The following ZCCHC17 variants were observed in gnomAD, a reference collection of about 807,000 sequenced individuals.
ZCCHC17 encodes zinc finger CCHC domain-containing protein 17.
A neutral mutation model predicts 30.6 loss-of-function variants in ZCCHC17; 18 were observed. The observed-to-expected ratio is 0.59, with a 90% CI of 0.41 to 0.87. The LOEUF is 0.87. Ranked by LOEUF, ZCCHC17 falls within the 40% of genes least tolerant of loss-of-function variation. The pLI is 0.00. For missense variants in ZCCHC17, 263 were observed against 284.2 expected (o/e 0.93, Z 0.54); for synonymous variants, 88 against 92.4 (o/e 0.95, Z 0.27).
At position 31,339,165 on chromosome 1, in the gene ZCCHC17, T is replaced by G. The variant is rs549586068; in HGVS notation, c.317+117T>G. On this transcript the variant is annotated intron_variant, in intron 5 of 7. Transcript: ENST00000344147. Reference sequence around the variant, plus strand: ...TTATGGACTTTGTGATATTGATAAGTTACGTAACCTTTGCAATCTTTGGTT... The same window carrying G: ...TTATGGACTTTGTGATATTGATAAGGTACGTAACCTTTGCAATCTTTGGTT... The G allele has an allele frequency of 1.0e-4, 73 of 732,252 alleles. No individual in the cohort carries two copies. In the East Asian group the frequency reaches 1.9e-3, roughly 19 times the overall value. 45.4% of individuals were successfully genotyped at this position (732,252 alleles called of 1,614,324 possible).
intron 3 of ZCCHC17, 89 bp from the exon 4 acceptor site, chr1:31,337,086 A>G: frequency 8.1e-7 from 1 of 1,240,854 alleles, no homozygotes; most frequent in Non-Finnish European, 1.1e-6. Context: ...TTTCCCTTGC[A>G]TTCCCCAACT....
At position 31,345,920 on chromosome 1, in the gene ZCCHC17, G is replaced by A. The variant is rs142605519; in HGVS notation, c.318-720G>A. Among the ~76,000 whole-genome samples the A allele has an allele frequency of 1.3e-3, 191 of 152,200 alleles. 1 individual carries two copies. The highest frequency in any genetic ancestry group is 4.4e-3 in the African/African-American group (181 of 41,520). ...AACACTGGGAATTACAATGTAACAT[G>A]AGATTTTTGTGTGTGGGGGAACACA... is the stretch of plus-strand genomic sequence containing the variant. On this transcript the variant is annotated intron_variant, in intron 5 of 7. Coordinates refer to ENST00000344147, the MANE Select transcript of ZCCHC17 (RefSeq NM_016505.4).
At chr1:31,298,271 T>C in intron 1 of ZCCHC17, among the ~76,000 whole-genome samples, 1 of 152,126 alleles carries the variant, frequency 6.6e-6, no homozygotes, top group Non-Finnish European at 1.5e-5. Context: ...CAAAGGTAAC[T>C]CCTAGGTTTC....
At chr1:31,352,599 T>G (rs1639506651) in intron 7 of ZCCHC17, among the ~76,000 whole-genome samples, 1 of 152,132 alleles carries the variant, frequency 6.6e-6, no homozygotes, top group Admixed American at 6.5e-5. Flanking sequence ...TCCAGGAGTG[T>G]GCCACCACAC....
intron 3 of ZCCHC17, among the ~76,000 whole-genome samples, chr1:31,323,504 G>A (rs1314660039): frequency 1.3e-5 from 2 of 152,008 alleles, no homozygotes; most frequent in African/African-American, 4.8e-5. Context: ...TGTATTTTTA[G>A]TAGAGTCAGG....
At chr1:31,308,798 G>C (rs1426994844) in intron 1 of ZCCHC17, among the ~76,000 whole-genome samples, 1 of 152,100 alleles carries the variant, frequency 6.6e-6, no homozygotes, top group Non-Finnish European at 1.5e-5. Context: ...CATTATCTCA[G>C]GTAACACCTC....
intron 2 of ZCCHC17, among the ~76,000 whole-genome samples, chr1:31,310,377 G>A (rs1031252073): frequency 6.6e-6 from 1 of 152,226 alleles, no homozygotes; most frequent in African/African-American, 2.4e-5. Flanking sequence ...ACCAGCATGT[G>A]TAATTTATGT....
intron 1 of ZCCHC17, among the ~76,000 whole-genome samples, chr1:31,300,980 T>C (rs1313312206): frequency 1.3e-5 from 2 of 151,996 alleles, no homozygotes; most frequent in Non-Finnish European, 2.9e-5. Flanking sequence ...CAAGTGTGTG[T>C]GGCCCTTGGA....
intron 3 of ZCCHC17, among the ~76,000 whole-genome samples, chr1:31,331,902 G>A (rs1638608071): frequency 6.6e-6 from 1 of 152,124 alleles, no homozygotes. Flanking sequence ...AAGCCACCAT[G>A]CCCGGCCGAG....
In ZCCHC17 at chr1:31,364,267, T is replaced by G; in HGVS notation, c.*74T>G. On this transcript the variant is annotated 3_prime_UTR_variant, in exon 8 of 8. Transcript: ENST00000344147. ...TGTGCCTTGAGACTCCTGGAAAGACTCAATAGTGAGAATATAGCCTCCCAC... is the reference window on the plus strand; with the variant it reads ...TGTGCCTTGAGACTCCTGGAAAGACGCAATAGTGAGAATATAGCCTCCCAC... 1 of 1,518,818 alleles carries G rather than the reference T, an allele frequency of 6.6e-7. No individual in the cohort carries two copies. The highest frequency in any genetic ancestry group is 1.3e-5 in the South Asian group (1 of 78,238). The allele number at this position is 1,518,818 out of a possible 1,614,324, so 94.1% of individuals were successfully genotyped here.
At chr1:31,356,741 T>C (rs1462266980) in intron 7 of ZCCHC17, among the ~76,000 whole-genome samples, 2 of 152,190 alleles carry the variant, frequency 1.3e-5, no homozygotes, top group African/African-American at 4.8e-5. Flanking sequence ...CATACATGTA[T>C]TGAATGCCTT....
chr1:31,364,050 CAT>C lies in ZCCHC17; in HGVS notation c.585_586del (p.His195GlnfsTer3), dbSNP rs1330878964. The C allele has an allele frequency of 1.2e-6, 2 of 1,611,338 alleles. No homozygotes were observed. Among genetic ancestry groups the C allele is most frequent in the South Asian group, 1.1e-5 (1 of 90,888 alleles). ...KRKKEKKKKKHRDRKSSDSDS... is the reference protein window; with the variant it reads ...KRKKEKKKKKXRDRKSSDSDS... ...TTTTCAGGAGAAGAAGAAAAAGAAA[CAT>C]AGAGATAGGAAGTCATCTGACTCTG... On this transcript the variant is annotated frameshift_variant, in exon 8 of 8. Coordinates refer to ENST00000344147, the MANE Select transcript of ZCCHC17 (RefSeq NM_016505.4). LOFTEE classifies it high-confidence loss of function.
chr1:31,305,499 AG>A (rs1469399280), intron 1 of ZCCHC17, among the ~76,000 whole-genome samples: 11 of 152,168 alleles, frequency 7.2e-5, no homozygotes, highest in Non-Finnish European at 2.9e-5. Context: ...CGTGTTGTCC[AG>A]GCTGGTCTTG....
intron 1 of ZCCHC17, among the ~76,000 whole-genome samples, chr1:31,303,188 G>C (rs1168268521): frequency 6.6e-6 from 1 of 151,988 alleles, no homozygotes; most frequent in Non-Finnish European, 1.5e-5. Context: ...AGGCTGAGGC[G>C]GGAGGATAGC....
intron 7 of ZCCHC17, among the ~76,000 whole-genome samples, chr1:31,349,276 A>G (rs1237526469): frequency 6.6e-6 from 1 of 152,248 alleles, no homozygotes; most frequent in East Asian, 1.9e-4. Flanking sequence ...ACTGAAAAAC[A>G]TAATGAAGCA....
At chr1:31,312,486 C>T (rs944898529) in intron 2 of ZCCHC17, among the ~76,000 whole-genome samples, 4 of 72,048 alleles carry the variant, frequency 5.6e-5, no homozygotes, top group Non-Finnish European at 8.2e-5. Context: ...CAGACAAAAT[C>T]GGGATTCTAG....
intron 1 of ZCCHC17, among the ~76,000 whole-genome samples, chr1:31,300,068 G>C (rs1569710998): frequency 6.6e-6 from 1 of 152,070 alleles, no homozygotes; most frequent in East Asian, 1.9e-4. Context: ...TACTACTTTT[G>C]TTTGTTTGTT....
chr1:31,301,394 C>T (rs1283662146), intron 1 of ZCCHC17, among the ~76,000 whole-genome samples: 1 of 152,194 alleles, frequency 6.6e-6, no homozygotes. Context: ...TACTTAGCTT[C>T]TCTTGTGTCC....
At chr1:31,350,976 A>C (rs192458874) in intron 7 of ZCCHC17, among the ~76,000 whole-genome samples, 1 of 152,118 alleles carries the variant, frequency 6.6e-6, no homozygotes, top group Admixed American at 6.6e-5. Context: ...GGGATGCCTG[A>C]CTCCCAAAAA....
Sources: gnomAD v4.1 joint callset for allele counts (sites outside exome capture counted in the v4.1 genomes callset) on GRCh38, gnomAD v4.1.1 for gene constraint, MANE v1.5 for transcripts, NCBI Gene and HGNC (gene_info 2026-07-23, HGNC 2026-07-21) for gene names.